The following PC variants were observed in gnomAD, a reference collection of about 807,000 sequenced individuals.
The protein encoded by PC is pyruvate carboxylase.
In PC, 46 loss-of-function variants were observed where a neutral mutation model predicts 107.8. The observed-to-expected ratio is 0.43, with a 90% confidence interval of 0.34 to 0.55. The LOEUF is 0.55. PC is among the 20% of genes least tolerant of loss of function. PC has a pLI of 0.04. For synonymous variants in PC, 662 were observed against 684.7 expected, an observed-to-expected ratio of 0.97 and a Z score of 0.52; for missense variants, 1,241 against 1,643.1, an observed-to-expected ratio of 0.76 and a Z score of 4.23.
rs1471458847 is a variant in PC at position 66,849,930 on chromosome 11, T to C, written c.2898+7A>G. Reference sequence around the variant, plus strand: ...CCCACCCTCACACCATGCTGGGCCTTCCCTACCTTAGAGCGAAAGGGTTCG... The same window carrying C: ...CCCACCCTCACACCATGCTGGGCCTCCCCTACCTTAGAGCGAAAGGGTTCG... On this transcript the variant is annotated splice_region_variant and intron_variant, in intron 20 of 22. Coordinates refer to ENST00000393960, the MANE Select transcript of PC (RefSeq NM_001040716.2). 1.9e-6 allele frequency: 3 copies of C among 1,613,402 alleles called. No individual in the cohort carries two copies. The Admixed American group carries it at 5.0e-5, about 27-fold the overall frequency.
At position 66,866,692 on chromosome 11, in the gene PC, G is replaced by A. The variant is rs77771692; in HGVS notation, c.1023-343C>T. 9.2e-3 allele frequency among the ~76,000 whole-genome samples: 1,404 copies of A among 152,282 alleles called. 27 individuals carry two copies. Among genetic ancestry groups the A allele is most frequent in the African/African-American group, 0.031 (1,298 of 41,544 alleles). The stretch of plus-strand genomic sequence containing the variant: ...TCTGCCTCCTCCTTCCTTGAGGTCT[G>A]TTTTCCCCACTCCCCTAAACTCCCC... On this transcript the variant is annotated intron_variant, in intron 10 of 22. Transcript: ENST00000393960. The surrounding 1 kb of genome is among the most constrained non-coding windows in gnomAD (Gnocchi z 5.4).
At chr11:66,864,840 G>A (rs1946424754) in intron 11 of PC, among the ~76,000 whole-genome samples, 2 of 152,214 alleles carry the variant, frequency 1.3e-5, no homozygotes, top group African/African-American at 4.8e-5. Context: ...GGAGGTGGGG[G>A]ACCCGTCAGG....
At chr11:66,873,797 C>T (rs1220822440) in intron 3 of PC, among the ~76,000 whole-genome samples, 17 of 151,340 alleles carry the variant, frequency 1.1e-4, no homozygotes, top group Middle Eastern at 3.4e-3. Context: ...GACGGAGTCT[C>T]GCTCTTGTTG....
At chr11:66,874,719 A>T (rs1371173912) in intron 3 of PC, among the ~76,000 whole-genome samples, 1 of 152,238 alleles carries the variant, frequency 6.6e-6, no homozygotes, top group African/African-American at 2.4e-5. Flanking sequence ...GGTTCTGCTC[A>T]TGGAAGATGA....
At chr11:66,889,373 GTATTAT>G (rs1202902373) in intron 3 of PC, among the ~76,000 whole-genome samples, 3 of 151,578 alleles carry the variant, frequency 2.0e-5, no homozygotes, top group East Asian at 1.9e-4. Flanking sequence ...GTGTCCACAT[GTATTAT>G]TATTATTATT....
Position 66,858,390 on chromosome 11 carries a change from C to T in PC, c.1369-5007G>A, listed in dbSNP as rs1182728613. The T allele has an allele frequency of 6.4e-6, 10 of 1,567,262 alleles. No individual in the cohort carries two copies. The highest frequency in any genetic ancestry group is 8.6e-6 in the Non-Finnish European group (10 of 1,161,804). ...GCTGGCTCCGGACCCGCTTTTCTCT[C>T]GTGGGCGTGATGCAGAGGCCTCTCC... is the stretch of plus-strand genomic sequence containing the variant. On this transcript the variant is annotated intron_variant, in intron 12 of 22. Transcript: ENST00000393960. The surrounding 1 kb of genome is among the most constrained non-coding windows in gnomAD (Gnocchi z 5.9).
chr11:66,875,689 TG>T (rs1247306579), intron 3 of PC, among the ~76,000 whole-genome samples: 1 of 151,736 alleles, frequency 6.6e-6, no homozygotes, highest in Non-Finnish European at 1.5e-5. Context: ...CAGGGTAAGA[TG>T]GGGGCTGGGA....
rs1191021816 is a variant in PC, at chr11:66,863,961, G to A, written c.1186-5C>T. On this transcript the variant is annotated splice_region_variant and splice_polypyrimidine_tract_variant and intron_variant, in intron 11 of 22. Transcript: ENST00000393960. ...GCCCTCTCCGCTCCGGAACACCTGT[G>A]GGAAGGGTGAGGCGTGAGGACCTGC... 1 of 1,613,680 alleles carries A rather than the reference G, an allele frequency of 6.2e-7. No homozygotes were observed. The highest frequency in any genetic ancestry group is 8.5e-7 in the Non-Finnish European group (1 of 1,179,992).
At chr11:66,853,413 C>CA (rs1398150624) in intron 12 of PC, 30 bp from the exon 13 acceptor site, 1 of 1,612,722 alleles carries the variant, frequency 6.2e-7, no homozygotes, top group South Asian at 1.1e-5. Flanking sequence ...GGGAGGGGGT[C>CA]ACCATGCAGC....
At chr11:66,941,078 TAA>T (rs56790474) in intron 3 of PC, among the ~76,000 whole-genome samples, 9 of 83,896 alleles carry the variant, frequency 1.1e-4, no homozygotes, top group Non-Finnish European at 1.4e-4. Context: ...AGACTCCATC[TAA>T]AAAAAAAAAA....
intron 3 of PC, among the ~76,000 whole-genome samples, chr11:66,913,477 G>GT (rs1184029009): frequency 2.6e-5 from 4 of 151,734 alleles, no homozygotes; most frequent in African/African-American, 7.3e-5. Context: ...AAGGTCAGGA[G>GT]TTTGAGACCA....
chr11:66,853,942 G>T (rs575921267), intron 12 of PC, among the ~76,000 whole-genome samples: 4 of 152,350 alleles, frequency 2.6e-5, no homozygotes, highest in African/African-American at 9.6e-5. Context: ...TCTGCCTCCA[G>T]GGCAAGACCC....
intron 3 of PC, among the ~76,000 whole-genome samples, chr11:66,922,053 C>T (rs1336464968): frequency 1.3e-5 from 2 of 152,120 alleles, no homozygotes; most frequent in Non-Finnish European, 2.9e-5. Context: ...CCCTTTGTCC[C>T]CATAAAGCCC....
chr11:66,884,536 A>C (rs996226201), intron 3 of PC, among the ~76,000 whole-genome samples: 8 of 152,210 alleles, frequency 5.3e-5, no homozygotes, highest in Non-Finnish European at 1.2e-4. Flanking sequence ...TGGGACACAC[A>C]AATGTCCCAT....
intron 12 of PC, chr11:66,859,979 C>G (rs778977396): frequency 1.3e-5 from 21 of 1,600,598 alleles, no homozygotes; most frequent in Non-Finnish European, 1.7e-5. Flanking sequence ...ATGGAGGCCC[C>G]AGCCCCACAC....
chr11:66,850,174 G>A (rs1565209927), intron 19 of PC, 46 bp downstream of exon 19: 4 of 1,613,822 alleles, frequency 2.5e-6, no homozygotes, highest in South Asian at 1.1e-5. Context: ...CCAGTGGCAG[G>A]TGCATGCAGG....
At chr11:66,956,768 A>G (rs769700697) in intron 1 of PC, among the ~76,000 whole-genome samples, 19 of 152,056 alleles carry the variant, frequency 1.2e-4, no homozygotes, top group Non-Finnish European at 2.6e-4. Context: ...CTCTCGCTTT[A>G]GTGTGTGGTT....
chr11:66,889,430 G>A (rs185660859), intron 3 of PC, among the ~76,000 whole-genome samples: 335 of 152,092 alleles, frequency 2.2e-3, no homozygotes, highest in African/African-American at 7.5e-3. Context: ...GAGTGTAGTG[G>A]CATGATCTCG....
At chr11:66,900,238 T>G (rs1180941484) in intron 3 of PC, among the ~76,000 whole-genome samples, 1 of 138,058 alleles carries the variant, frequency 7.2e-6, no homozygotes, top group Non-Finnish European at 1.5e-5. Context: ...TGGAGTGCAG[T>G]GGCACGATCT....
Sources: gnomAD v4.1 joint callset for allele counts (sites outside exome capture counted in the v4.1 genomes callset) on GRCh38, gnomAD v4.1.1 for gene constraint, Gnocchi (gnomAD v3.1) non-coding constraint, MANE v1.5 for transcripts, NCBI Gene and HGNC (gene_info 2026-07-23, HGNC 2026-07-21) for gene names.